Variants in KLF12 observed in about 807,000 individuals in gnomAD.
KLF12 encodes the protein Krueppel-like factor 12.
A neutral mutation model predicts 37.8 loss-of-function variants in KLF12; 9 were observed. That is an observed-to-expected ratio of 0.24 (90% CI 0.14 to 0.42). KLF12 has a LOEUF of 0.42. Among genes scored for constraint, KLF12 ranks in the 10% least tolerant of loss-of-function variants. The pLI is 1.00. For missense variants in KLF12, 411 were observed against 516.0 expected (o/e 0.80, Z 1.97); for synonymous variants, 208 against 202.1 (o/e 1.03, Z -0.25).
At chr13:73,726,674 ACATTTAGTT>A (rs1876693256) in intron 6 of KLF12, among the ~76,000 whole-genome samples, 1 of 152,198 alleles carries the variant, frequency 6.6e-6, no homozygotes, top group Non-Finnish European at 1.5e-5. Flanking sequence ...TATGGACATC[ACATTTAGTT>A]TATTTAGTTG....
At chr13:73,905,097 C>T (rs1248577287) in intron 3 of KLF12, among the ~76,000 whole-genome samples, 1 of 152,040 alleles carries the variant, frequency 6.6e-6, no homozygotes, top group Non-Finnish European at 1.5e-5. Flanking sequence ...AGTTCAAAGC[C>T]TGTTTTTAAC....
At chr13:73,877,007 C>G (rs1489845296) in intron 3 of KLF12, among the ~76,000 whole-genome samples, 1 of 147,928 alleles carries the variant, frequency 6.8e-6, no homozygotes, top group Non-Finnish European at 1.5e-5. Context: ...AGTGAGACTC[C>G]GTCTCAAAAA....
Position 73,862,106 on chromosome 13 carries a change from C to T in KLF12, c.124-15733G>A, listed in dbSNP as rs922225002. ...AAGGGTATTGAGGTTAAGTTAAAAA[C>T]CTTAACACATAAATGCAGTTGTGAT... On this transcript the variant is annotated intron_variant, in intron 3 of 7. Coordinates refer to ENST00000377669, the MANE Select transcript of KLF12 (RefSeq NM_007249.5). 2.1e-5 allele frequency among the ~76,000 whole-genome samples: 3 copies of T among 144,648 alleles called. No individual in the cohort carries two copies. In the Admixed American group the frequency reaches 2.1e-4, roughly 10 times the overall value. The allele number at this position is 144,648 out of a possible 152,430, so 94.9% of individuals were successfully genotyped here. A position where few individuals can be genotyped will look rare whatever the true frequency, so the allele number is the denominator to read the frequency against.
intron 2 of KLF12, among the ~76,000 whole-genome samples, chr13:73,957,599 T>A (rs895035226): frequency 4.1e-4 from 62 of 152,314 alleles, no homozygotes; most frequent in African/African-American, 1.4e-3. Context: ...TGGCTCTACA[T>A]CAGATTGGCT....
chr13:73,819,279 G>A (rs913705399), intron 4 of KLF12, among the ~76,000 whole-genome samples: 16 of 152,176 alleles, frequency 1.1e-4, no homozygotes, highest in African/African-American at 3.9e-4. Flanking sequence ...TACATGCAAA[G>A]CACTTAGTCC....
the KLF12 span, among the ~76,000 whole-genome samples, chr13:74,150,357 G>A: frequency 6.6e-6 from 1 of 152,132 alleles, no homozygotes; most frequent in Non-Finnish European, 1.5e-5. Context: ...CCCCCAGTGG[G>A]TCCCTAAATT....
intron 6 of KLF12, among the ~76,000 whole-genome samples, chr13:73,759,664 T>G (rs1879420535): frequency 6.6e-6 from 1 of 152,192 alleles, no homozygotes; most frequent in African/African-American, 2.4e-5. Context: ...GAGGCCTGGA[T>G]GAACAGGCAC....
At chr13:73,730,619 G>T (rs1381353935) in intron 6 of KLF12, among the ~76,000 whole-genome samples, 2 of 152,100 alleles carry the variant, frequency 1.3e-5, no homozygotes, top group East Asian at 1.9e-4. Context: ...AAGGGAGGGG[G>T]TGTCTGATTC....
At chr13:73,743,697 G>A (rs1274264964) in intron 6 of KLF12, among the ~76,000 whole-genome samples, 1 of 152,128 alleles carries the variant, frequency 6.6e-6, no homozygotes, top group Non-Finnish European at 1.5e-5. Context: ...ATGTAGAGTT[G>A]GAAAAAGCTG....
intron 3 of KLF12, among the ~76,000 whole-genome samples, chr13:73,931,701 T>G (rs1187056918): frequency 6.6e-6 from 1 of 152,198 alleles, no homozygotes; most frequent in Non-Finnish European, 1.5e-5. Context: ...AGTATGTAAG[T>G]TTTCATGAGT....
At chr13:74,264,287 T>A in the KLF12 span, among the ~76,000 whole-genome samples, 4 of 152,276 alleles carry the variant, frequency 2.6e-5, no homozygotes, top group South Asian at 8.3e-4. Context: ...AAATATTAAA[T>A]TCTTGGGTCA....
chr13:74,146,343 A>G, the KLF12 span, among the ~76,000 whole-genome samples: 4 of 152,290 alleles, frequency 2.6e-5, 1 homozygote, highest in South Asian at 8.3e-4. Context: ...CAGGAGCAAT[A>G]CCTGCTTGTA....
chr13:73,748,288 A>G (rs988586739), intron 6 of KLF12, among the ~76,000 whole-genome samples: 54 of 152,174 alleles, frequency 3.5e-4, no homozygotes, highest in African/African-American at 1.3e-3. Flanking sequence ...AATAAAAATA[A>G]TATTATATAT....
intron 3 of KLF12, among the ~76,000 whole-genome samples, chr13:73,938,095 C>T (rs571681233): frequency 5.3e-5 from 8 of 152,264 alleles, no homozygotes; most frequent in East Asian, 1.9e-4. Flanking sequence ...TTTAGTCAAA[C>T]GCTGGCCCCT....
intron 3 of KLF12, among the ~76,000 whole-genome samples, chr13:73,861,653 T>G (rs1885931234): frequency 6.6e-6 from 1 of 152,208 alleles, no homozygotes; most frequent in Non-Finnish European, 1.5e-5. Flanking sequence ...CTTTTTCCCC[T>G]AACATCTTAT....
intron 6 of KLF12, among the ~76,000 whole-genome samples, chr13:73,760,641 C>T (rs557063134): frequency 3.9e-5 from 6 of 152,204 alleles, no homozygotes; most frequent in East Asian, 1.9e-4. Context: ...CTATTAATAA[C>T]GCTGTATTTC....
intron 2 of KLF12, among the ~76,000 whole-genome samples, chr13:73,976,028 T>TAC (rs899693833): frequency 7.2e-5 from 11 of 151,980 alleles, no homozygotes; most frequent in African/African-American, 2.7e-4. Context: ...AGGCACACAT[T>TAC]ACACCCACCG....
intron 1 of KLF12, among the ~76,000 whole-genome samples, chr13:74,000,963 T>G (rs1388511271): frequency 6.6e-6 from 1 of 152,266 alleles, no homozygotes; most frequent in Non-Finnish European, 1.5e-5. Flanking sequence ...TGATTTGTAC[T>G]GCAAAGGATT....
At chr13:74,142,341 T>C in the KLF12 span, among the ~76,000 whole-genome samples, 1 of 152,216 alleles carries the variant, frequency 6.6e-6, no homozygotes. Context: ...TGCGTTTGCA[T>C]TTCATATTCA....
Sources: allele counts gnomAD v4.1 joint callset (sites outside exome capture counted in the v4.1 genomes callset), GRCh38; gene constraint gnomAD v4.1.1; transcripts MANE v1.5; gene names NCBI Gene and HGNC (gene_info 2026-07-23, HGNC 2026-07-21).